The following ERICH6B variants were observed in gnomAD, a reference collection of about 807,000 sequenced individuals.
ERICH6B encodes glutamate-rich protein 6B.
A neutral mutation model predicts 80.0 loss-of-function variants in ERICH6B; 69 were observed. The observed-to-expected ratio is 0.86, with a 90% CI of 0.71 to 1.05. The LOEUF (loss-of-function observed/expected upper bound fraction) is 1.05, where lower values mean the gene tolerates loss of function less well. Ranked by LOEUF, ERICH6B falls within the 50% of genes least tolerant of loss-of-function variation. The pLI, the probability that ERICH6B is intolerant of heterozygous loss-of-function variation, is 0.00. For synonymous variants in ERICH6B, 283 were observed against 291.9 expected, an observed-to-expected ratio of 0.97 and a Z score of 0.31; for missense variants, 754 against 796.1, an observed-to-expected ratio of 0.95 and a Z score of 0.64.
chr13:45,542,551 A>G (rs1388008408), intron 14 of ERICH6B, among the ~76,000 whole-genome samples: 1 of 152,168 alleles, frequency 6.6e-6, no homozygotes, highest in Non-Finnish European at 1.5e-5. Context: ...CCAAGGCGTC[A>G]GGCCCCCTGG....
chr13:45,596,720 C>A lies in ERICH6B; in HGVS notation c.286G>T (p.Glu96Ter). 2 of 1,551,890 alleles carry A rather than the reference C, an allele frequency of 1.3e-6. No individual in the cohort carries two copies. Among genetic ancestry groups the A allele is most frequent in the Non-Finnish European group, 8.7e-7 (1 of 1,147,032 alleles). ...AGATACCCTGCCTTCTCCAGATACT[C>A]TTCCTCCTCCAGATGCTCTTCCTTC... ...LGKEEHLEEEEYLEKAGYLEE... is the reference protein window; with the variant it reads ...LGKEEHLEEE The change falls in exon 3 of 15, where the codon GAG becomes TAG. Residue 96 changes from glutamate (E) to a stop codon, truncating the protein, a stop_gained. Coordinates refer to ENST00000298738, the MANE Select transcript of ERICH6B (RefSeq NM_182542.3). LOFTEE classifies it high-confidence loss of function.
intron 13 of ERICH6B, among the ~76,000 whole-genome samples, chr13:45,546,961 C>T (rs555830378): frequency 6.4e-4 from 97 of 152,272 alleles, no homozygotes; most frequent in Middle Eastern, 3.4e-3. Flanking sequence ...CCTGTCCAAC[C>T]TCATTCCTCC....
chr13:45,585,037 C>T (rs952034739), intron 5 of ERICH6B, among the ~76,000 whole-genome samples: 1 of 152,158 alleles, frequency 6.6e-6, no homozygotes, highest in Admixed American at 6.5e-5. Flanking sequence ...ATGTGGCCAG[C>T]CTGTGTTTTA....
chr13:45,553,094 T>G, intron 11 of ERICH6B: 1 of 337,006 alleles, frequency 3.0e-6, no homozygotes, highest in Non-Finnish European at 5.9e-6. Flanking sequence ...AGACATTCCT[T>G]AAACTGTTTT....
At chr13:45,569,171 G>A (rs184086242) in intron 8 of ERICH6B, among the ~76,000 whole-genome samples, 1 of 152,176 alleles carries the variant, frequency 6.6e-6, no homozygotes, top group East Asian at 1.9e-4. Flanking sequence ...TGTTGCCCAG[G>A]CTGGAGTGCA....
chr13:45,576,842 T>C (rs1875427183), intron 7 of ERICH6B, among the ~76,000 whole-genome samples: 1 of 152,214 alleles, frequency 6.6e-6, no homozygotes, highest in South Asian at 2.1e-4. Flanking sequence ...AATGTAATAA[T>C]TAAGCTTATT....
At chr13:45,562,050 A>G (rs769586390) in intron 10 of ERICH6B, among the ~76,000 whole-genome samples, 2 of 152,232 alleles carry the variant, frequency 1.3e-5, no homozygotes, top group Non-Finnish European at 2.9e-5. Flanking sequence ...TTTTGCTCAA[A>G]TCACACCAAT....
At chr13:45,559,535 G>T (rs1036235818) in intron 11 of ERICH6B, among the ~76,000 whole-genome samples, 2 of 151,916 alleles carry the variant, frequency 1.3e-5, no homozygotes, top group Admixed American at 1.3e-4. Flanking sequence ...GGCATTTAGG[G>T]CCACTAACTT....
intron 8 of ERICH6B, among the ~76,000 whole-genome samples, chr13:45,573,253 T>A (rs1472582998): frequency 6.6e-6 from 1 of 152,156 alleles, no homozygotes; most frequent in Non-Finnish European, 1.5e-5. Flanking sequence ...TGGTACAAGA[T>A]GTAATGGAAT....
chr13:45,546,277 A>C (rs116940977), intron 13 of ERICH6B, among the ~76,000 whole-genome samples: 4 of 152,024 alleles, frequency 2.6e-5, no homozygotes, highest in Admixed American at 6.5e-5. Flanking sequence ...TTCAAATCCC[A>C]AAGGGCAGTT....
At chr13:45,580,953 A>C (rs1009437741) in intron 5 of ERICH6B, among the ~76,000 whole-genome samples, 1 of 152,208 alleles carries the variant, frequency 6.6e-6, no homozygotes, top group Non-Finnish European at 1.5e-5. Flanking sequence ...TTTGGTCCTC[A>C]GAATAGCTGG....
Position 45,568,313 on chromosome 13 carries a change from A to C in ERICH6B, c.1187+2T>G, listed in dbSNP as rs1189004417. 1.3e-6 allele frequency: 2 copies of C among 1,539,658 alleles called. No individual in the cohort carries two copies. The highest frequency in any genetic ancestry group is 1.8e-6 in the Non-Finnish European group (2 of 1,142,596). On this transcript the variant is annotated splice_donor_variant, in intron 9 of 14. Coordinates refer to ENST00000298738, the MANE Select transcript of ERICH6B (RefSeq NM_182542.3). LOFTEE classifies it high-confidence loss of function. Reference sequence around the variant, plus strand: ...AATCACTTGGCCTCACCAGTTACTTACATAATTACCAGTTTCCATCTGTTT... The same window carrying C: ...AATCACTTGGCCTCACCAGTTACTTCCATAATTACCAGTTTCCATCTGTTT...
chr13:45,546,220 C>G (rs1873984800), intron 13 of ERICH6B, among the ~76,000 whole-genome samples: 1 of 152,204 alleles, frequency 6.6e-6, no homozygotes, highest in Non-Finnish European at 1.5e-5. Flanking sequence ...GTCATCCTCT[C>G]TTGACATTTC....
chr13:45,574,956 A>G, intron 7 of ERICH6B, 26 bp from the exon 8 acceptor site: 1 of 1,461,356 alleles, frequency 6.8e-7, no homozygotes, highest in Non-Finnish European at 9.4e-7. Flanking sequence ...GGAGCGTCGA[A>G]AGGAAGGGCA....
intron 3 of ERICH6B, among the ~76,000 whole-genome samples, chr13:45,595,390 T>C (rs925710605): frequency 2.6e-5 from 4 of 152,122 alleles, no homozygotes; most frequent in Non-Finnish European, 5.9e-5. Flanking sequence ...TTAAATGATA[T>C]TCATATAAGT....
chr13:45,610,034 A>G (rs1236195543), intron 1 of ERICH6B, among the ~76,000 whole-genome samples: 1 of 152,170 alleles, frequency 6.6e-6, no homozygotes, highest in African/African-American at 2.4e-5. Context: ...CACCTTTGTA[A>G]AGCTAATGAG....
At chr13:45,591,672 C>A (rs1367882259) in intron 3 of ERICH6B, among the ~76,000 whole-genome samples, 1 of 152,156 alleles carries the variant, frequency 6.6e-6, no homozygotes, top group African/African-American at 2.4e-5. Context: ...AGTTATAATA[C>A]TAAGTTACAA....
At position 45,549,925 on chromosome 13, in the gene ERICH6B, A is replaced by C; in HGVS notation, c.1614T>G (p.Asn538Lys). Residue 538 changes from asparagine (N) to lysine (K), a missense_variant, in exon 13 of 15, where the codon AAT becomes AAG. Physicochemically the swap from Asn to Lys is moderately conservative, Grantham distance 94. Coordinates refer to ENST00000298738, the MANE Select transcript of ERICH6B (RefSeq NM_182542.3). ...RIRALINNSG[N>K]ATFYDENSDI... Reference sequence around the variant, plus strand: ...CACTATTTTCATCATAGAAGGTAGCATTGCCTGAGTTGTTGATAAGGGCCC... The same window carrying C: ...CACTATTTTCATCATAGAAGGTAGCCTTGCCTGAGTTGTTGATAAGGGCCC... The C allele has an allele frequency of 6.4e-7, 1 of 1,551,532 alleles. No homozygotes were observed. Among genetic ancestry groups the C allele is most frequent in the Non-Finnish European group, 8.7e-7 (1 of 1,146,970 alleles).
intron 8 of ERICH6B, among the ~76,000 whole-genome samples, chr13:45,573,121 G>A (rs1875245375): frequency 6.7e-6 from 1 of 149,670 alleles, no homozygotes; most frequent in African/African-American, 2.5e-5. Context: ...GCATTTGTAT[G>A]TAATAATAAT....
Sources: gnomAD v4.1 joint callset for allele counts (sites outside exome capture counted in the v4.1 genomes callset) on GRCh38, gnomAD v4.1.1 for gene constraint, MANE v1.5 for transcripts, NCBI Gene and HGNC (gene_info 2026-07-23, HGNC 2026-07-21) for gene names.